The following PSMD6 variants were observed in gnomAD, a reference collection of about 807,000 sequenced individuals.
The protein encoded by PSMD6 is proteasome 26S subunit, non-ATPase 6.
PSMD6 carries 7 observed loss-of-function variants against 44.9 expected under a neutral mutation model. That is an observed-to-expected ratio of 0.16 (90% CI 0.09 to 0.29). The LOEUF (loss-of-function observed/expected upper bound fraction) is 0.29, where lower values mean the gene tolerates loss of function less well. Ranked by LOEUF, PSMD6 falls within the 10% of genes least tolerant of loss-of-function variation. The probability of loss-of-function intolerance (pLI) is 1.00; values close to 1 mark genes in which losing one functional copy is unlikely to be tolerated. For missense variants in PSMD6, 420 were observed against 482.6 expected, an observed-to-expected ratio of 0.87 and a Z score of 1.21; for synonymous variants, 184 against 172.7, an observed-to-expected ratio of 1.07 and a Z score of -0.51.
chr3:64,019,263 T>G (rs747148134), intron 3 of PSMD6, 33 bp downstream of exon 3: 2 of 1,539,298 alleles, frequency 1.3e-6, no homozygotes, highest in East Asian at 2.2e-5. Context: ...CATCATAATT[T>G]AGAGAAAATA....
chr3:64,023,427 AAGGGGAC>A lies in PSMD6; in HGVS notation c.-15_-9del. 1 of 1,595,542 alleles carries A rather than the reference AAGGGGAC, an allele frequency of 6.3e-7. No individual in the cohort carries two copies. The highest frequency in any genetic ancestry group is 8.6e-7 in the Non-Finnish European group (1 of 1,168,276). On this transcript the variant is annotated 5_prime_UTR_variant, in exon 1 of 8. Transcript: ENST00000295901. Reference sequence around the variant, plus strand: ...CAGGTTCTCCAGCGGCATCGCGGCGAAGGGGACAGCGGCTGACAGGACACAACTTGGT... The same window carrying A: ...CAGGTTCTCCAGCGGCATCGCGGCGAAGCGGCTGACAGGACACAACTTGGT...
At chr3:64,017,197 G>A (rs913252188) in intron 5 of PSMD6, 1 of 152,296 alleles carries the variant, frequency 6.6e-6, no homozygotes, top group African/African-American at 2.4e-5. Context: ...TTCCTTTTGG[G>A]GTGATCAAGA....
chr3:64,021,326 G>A (rs1389849582), intron 2 of PSMD6, among the ~76,000 whole-genome samples: 3 of 152,098 alleles, frequency 2.0e-5, no homozygotes, highest in African/African-American at 7.2e-5. Flanking sequence ...ATGTATGTTG[G>A]CATGGAAAAG....
intron 6 of PSMD6, chr3:64,011,919 A>ACACT (rs1300592942): frequency 6.6e-6 from 1 of 152,420 alleles, no homozygotes; most frequent in Admixed American, 6.5e-5. Flanking sequence ...CATGAAAAAC[A>ACACT]CACTCATAAT....
At chr3:64,018,542 C>T in intron 5 of PSMD6, 57 bp downstream of exon 5, 3 of 1,306,928 alleles carry the variant, frequency 2.3e-6, no homozygotes, top group Non-Finnish European at 2.2e-6. Flanking sequence ...GTTATTTGCA[C>T]ATAGGATCAG....
At chr3:64,013,713 T>A in intron 5 of PSMD6, 106 bp from the exon 6 acceptor site, 1 of 1,054,456 alleles carries the variant, frequency 9.5e-7, no homozygotes, top group Non-Finnish European at 1.3e-6. Context: ...GATGAACAAG[T>A]ATCAAATTTC....
intron 1 of PSMD6, chr3:64,022,862 C>T: frequency 6.6e-7 from 1 of 1,525,892 alleles, no homozygotes; most frequent in South Asian, 1.2e-5. Context: ...CAAACATACA[C>T]ATTCACTACA....
chr3:64,021,627 G>A (rs994605895), intron 2 of PSMD6, among the ~76,000 whole-genome samples: 1 of 152,126 alleles, frequency 6.6e-6, no homozygotes, highest in Non-Finnish European at 1.5e-5. Context: ...TGGCCAACAT[G>A]TTGAAATCCA....
chr3:64,023,766 A>G, upstream of PSMD6: 3 of 1,474,038 alleles, frequency 2.0e-6, no homozygotes, highest in African/African-American at 2.8e-5. Context: ...ATTTTTTGAA[A>G]ACTGAAAATG....
At chr3:64,023,033 C>A in intron 1 of PSMD6, 3 of 1,426,728 alleles carry the variant, frequency 2.1e-6, no homozygotes, top group Non-Finnish European at 2.7e-6. Flanking sequence ...TCACGATTCT[C>A]CCCCAAGCTG....
In PSMD6 at chr3:64,013,558, A is replaced by G. The variant is rs758710170; in HGVS notation, c.876T>C (p.Tyr292=). 1.2e-5 allele frequency: 19 copies of G among 1,612,602 alleles called. No individual in the cohort carries two copies. Among genetic ancestry groups the G allele is most frequent in the Non-Finnish European group, 1.6e-5 (19 of 1,179,500 alleles). Residue 292 remains tyrosine, a synonymous_variant, in exon 6 of 8, where the codon TAT becomes TAC. Transcript: ENST00000295901. ...TTCTCATTTCTCTTACATAGTATCG[A>G]TAATGAGGGGCAAAAAGCCAGTCCT... ...MKKDWLFAPH[Y]RYYVREMRIH... is the part of the protein sequence containing the mutation.
chr3:64,012,759 G>GCTGA (rs1400880920), intron 6 of PSMD6: 4 of 152,262 alleles, frequency 2.6e-5, no homozygotes, highest in African/African-American at 9.7e-5. Context: ...ACTCCATATG[G>GCTGA]CTGACTCCTC....
intron 5 of PSMD6, chr3:64,017,373 T>C (rs1032240388): frequency 2.6e-5 from 4 of 152,070 alleles, no homozygotes; most frequent in African/African-American, 9.7e-5. Flanking sequence ...TTGTTCTGAC[T>C]GAGGGAAGCA....
At chr3:64,023,828 T>G, upstream of PSMD6, 1 of 1,473,092 alleles carries the variant, frequency 6.8e-7, no homozygotes, top group South Asian at 1.2e-5. Flanking sequence ...GTCGTTACTC[T>G]CATTCATCTT....
upstream of PSMD6, chr3:64,023,661 G>A: frequency 4.1e-6 from 6 of 1,453,206 alleles, no homozygotes; most frequent in Non-Finnish European, 5.4e-6. Flanking sequence ...TCCCAGAGTG[G>A]GTGCAGCCCA....
chr3:64,017,351 GAAGT>G (rs2076062054), intron 5 of PSMD6: 1 of 152,104 alleles, frequency 6.6e-6, no homozygotes, highest in Admixed American at 6.5e-5. Flanking sequence ...GGAATGCAGA[GAAGT>G]AAGAGATTTG....
At chr3:64,019,476 G>A (rs1303315390) in intron 2 of PSMD6, 35 bp from the exon 3 acceptor site, 5 of 1,585,020 alleles carry the variant, frequency 3.2e-6, no homozygotes, top group African/African-American at 2.7e-5. Context: ...GTGAGAAAAG[G>A]CTACAAGTTT....
intron 5 of PSMD6, chr3:64,017,125 T>A (rs535967445): frequency 1.3e-5 from 2 of 152,426 alleles, no homozygotes; most frequent in South Asian, 4.1e-4. Context: ...ATAAAGTAGA[T>A]CAGTGGTTGC....
intron 2 of PSMD6, among the ~76,000 whole-genome samples, chr3:64,020,187 G>C (rs2076107789): frequency 6.6e-6 from 1 of 152,166 alleles, no homozygotes; most frequent in South Asian, 2.1e-4. Flanking sequence ...AAAGGACAAA[G>C]TGTCTTGACG....
Sources: allele counts gnomAD v4.1 joint callset (sites outside exome capture counted in the v4.1 genomes callset), GRCh38; gene constraint gnomAD v4.1.1; transcripts MANE v1.5; gene names NCBI Gene and HGNC (gene_info 2026-07-23, HGNC 2026-07-21).